SMG1: variants seen among roughly 807,000 people sequenced by gnomAD.
The protein encoded by SMG1 is serine/threonine-protein kinase SMG1.
In SMG1, 22 loss-of-function variants were observed where a neutral mutation model predicts 419.9. The ratio of observed to expected loss-of-function variants is 0.05; its 90% CI spans 0.04 to 0.07. The LOEUF (loss-of-function observed/expected upper bound fraction) is 0.07, where lower values mean the gene tolerates loss of function less well. Among genes scored for constraint, SMG1 ranks in the 10% least tolerant of loss-of-function variants. The pLI is 1.00. For missense variants in SMG1, 3,185 were observed against 4,342.0 expected (o/e 0.73, Z 7.49); for synonymous variants, 1,538 against 1,553.5 (o/e 0.99, Z 0.23).
Position 18,886,476 on chromosome 16 carries a change from G to A in SMG1, c.823-810C>T, listed in dbSNP as rs181571562. ...AAAAGGAAAAGCTCTGCTTTACATA[G>A]CAATCTTATAAAAGAAATGCTAGAA... On this transcript the variant is annotated intron_variant, in intron 6 of 62. Coordinates refer to ENST00000446231, the MANE Select transcript of SMG1 (RefSeq NM_015092.5). Among the ~76,000 whole-genome samples the A allele has an allele frequency of 3.9e-3, 590 of 151,974 alleles. 3 individuals are homozygous for A. Among genetic ancestry groups the A allele is most frequent in the Non-Finnish European group, 6.8e-3 (465 of 68,020 alleles).
chr16:18,838,594 AGTC>A lies in SMG1; in HGVS notation c.7038_7040del (p.Thr2347del), dbSNP rs2033725508. ...TGTAATCTATGTGAACAACTTCTCC[AGTC>A]GTCATATCTATAAGAACATTATCCA... On this transcript the variant is annotated inframe_deletion, in exon 43 of 63. Coordinates refer to ENST00000446231, the MANE Select transcript of SMG1 (RefSeq NM_015092.5). The A allele has an allele frequency of 6.2e-7, 1 of 1,613,628 alleles. No individual in the cohort carries two copies. Among genetic ancestry groups the A allele is most frequent in the Non-Finnish European group, 8.5e-7 (1 of 1,179,532 alleles).
chr16:18,919,400 G>A (rs936941097), intron 1 of SMG1, among the ~76,000 whole-genome samples: 11 of 150,580 alleles, frequency 7.3e-5, no homozygotes, highest in Admixed American at 5.3e-4. Flanking sequence ...TGAGGCGGGC[G>A]GATCATGACA....
Position 18,809,471 on chromosome 16 carries a change from T to C in SMG1, c.*98A>G. 1.1e-6 allele frequency: 1 copy of C among 882,536 alleles called. No individual in the cohort carries two copies. Among genetic ancestry groups the C allele is most frequent in the Middle Eastern group, 2.2e-4 (1 of 4,630 alleles). 54.7% of individuals were successfully genotyped at this position (882,536 alleles called of 1,614,324 possible). ...TCCTCAGAGTAAGCCCCCAGTTGCA[T>C]CACCACCGACTGTGGTGTGGCTTTG... On this transcript the variant is annotated 3_prime_UTR_variant, in exon 63 of 63. Transcript: ENST00000446231.
chr16:18,838,964 C>A (rs1408824610), intron 42 of SMG1, among the ~76,000 whole-genome samples: 1 of 151,698 alleles, frequency 6.6e-6, no homozygotes, highest in African/African-American at 2.4e-5. Flanking sequence ...CTAGTTTGTC[C>A]CTTTCTAAAT....
At chr16:18,919,327 TA>T (rs1318337541) in intron 1 of SMG1, among the ~76,000 whole-genome samples, 6 of 147,968 alleles carry the variant, frequency 4.1e-5, no homozygotes, top group Admixed American at 6.8e-5. Flanking sequence ...ACCCCATCTC[TA>T]AAAAAAAAAT....
Position 18,811,910 on chromosome 16 carries a change from A to G in SMG1, c.10801+38T>C, listed in dbSNP as rs777058785. 8.1e-6 allele frequency: 13 copies of G among 1,612,578 alleles called. No individual in the cohort carries two copies. In the Middle Eastern group the frequency reaches 8.3e-4, roughly 102 times the overall value. ...CATACGTAAGTCAAACCGTCATTTT[A>G]TATAAAAATTTAAGGCATCTTTATT... is the stretch of plus-strand genomic sequence containing the variant. On this transcript the variant is annotated intron_variant, in intron 61 of 62. Coordinates refer to ENST00000446231, the MANE Select transcript of SMG1 (RefSeq NM_015092.5).
intron 1 of SMG1, among the ~76,000 whole-genome samples, chr16:18,910,190 C>T (rs942499533): frequency 1.1e-4 from 16 of 151,788 alleles, no homozygotes; most frequent in African/African-American, 3.9e-4. Flanking sequence ...CCTCAGCCTC[C>T]CAAGTAGGTG....
chr16:18,925,938 C>A lies in SMG1; in HGVS notation c.92+12G>T, dbSNP rs1397891071. On this transcript the variant is annotated intron_variant, in intron 1 of 62. Coordinates refer to ENST00000446231, the MANE Select transcript of SMG1 (RefSeq NM_015092.5). ...CGGGAGGTCGGGGCGGGGTCCCGGGCCGGTCACCCACCTGGGTTGCCAGTC... is the reference window on the plus strand; with the variant it reads ...CGGGAGGTCGGGGCGGGGTCCCGGGACGGTCACCCACCTGGGTTGCCAGTC... 12 of 1,537,482 alleles carry A rather than the reference C, an allele frequency of 7.8e-6. No homozygotes were observed. Among genetic ancestry groups the A allele is most frequent in the Non-Finnish European group, 1.0e-5 (12 of 1,146,838 alleles).
In SMG1 at chr16:18,847,431, G is replaced by A. The variant is rs778186528; in HGVS notation, c.5996+22C>T. On this transcript the variant is annotated intron_variant, in intron 38 of 62. Coordinates refer to ENST00000446231, the MANE Select transcript of SMG1 (RefSeq NM_015092.5). ...ACAAAGTGGCAGCTTCACTGTCTCA[G>A]GACAAGTGTATGGAAACATACTTGC... is the stretch of plus-strand genomic sequence containing the variant. 1.9e-6 allele frequency: 3 copies of A among 1,612,164 alleles called. No individual in the cohort carries two copies. In the South Asian group the frequency reaches 3.3e-5, roughly 18 times the overall value.
intron 22 of SMG1, among the ~76,000 whole-genome samples, chr16:18,867,186 G>T (rs550525006): frequency 3.3e-5 from 5 of 152,202 alleles, no homozygotes; most frequent in East Asian, 3.9e-4. Context: ...GTTATTTATT[G>T]TGAGCCCACT....
intron 36 of SMG1, among the ~76,000 whole-genome samples, chr16:18,848,645 T>C (rs1412266852): frequency 1.3e-5 from 2 of 152,004 alleles, no homozygotes; most frequent in African/African-American, 4.8e-5. Context: ...AACAGCTCAG[T>C]GAGCCTGGCA....
At position 18,876,344 on chromosome 16, in the gene SMG1, T is replaced by C. The variant is rs779091918; in HGVS notation, c.1670A>G (p.Asn557Ser). The C allele has an allele frequency of 9.9e-6, 16 of 1,611,322 alleles. No individual in the cohort carries two copies. The highest frequency in any genetic ancestry group is 3.3e-5 in the Admixed American group (2 of 59,938). Residue 557 changes from asparagine to serine, a missense_variant, in exon 13 of 63, where the codon AAT becomes AGT. By Grantham distance (46) the Asn-to-Ser change is conservative (BLOSUM62 1). Around this residue, in one of 27 missense-constraint regions of SMG1, gnomAD observed 297 missense variants for 491.0 expected, o/e 0.60. Transcript: ENST00000446231. ...ATAGGCAGTCTCCAAAACAGGAATA[T>C]TCTTCAAGCTGAGCACTGCTTGATA... ...AVYQAVLSLK[N>S]IPVLETAYKL...
At chr16:18,846,074 A>G (rs987468871) in intron 38 of SMG1, among the ~76,000 whole-genome samples, 1 of 152,116 alleles carries the variant, frequency 6.6e-6, no homozygotes, top group Non-Finnish European at 1.5e-5. Flanking sequence ...TCAGCCTCCC[A>G]AAGTGCCAGA....
At chr16:18,811,031 T>A (rs1252814545) in intron 62 of SMG1, among the ~76,000 whole-genome samples, 1 of 152,138 alleles carries the variant, frequency 6.6e-6, no homozygotes, top group Non-Finnish European at 1.5e-5. Context: ...AATGAAAAAA[T>A]TTCAGAATAA....
At chr16:18,867,798 T>G (rs1444132761) in intron 22 of SMG1, among the ~76,000 whole-genome samples, 1 of 137,260 alleles carries the variant, frequency 7.3e-6, no homozygotes, top group Non-Finnish European at 1.5e-5. Flanking sequence ...AAGCTCCGCC[T>G]CCCGGGTTCA....
intron 3 of SMG1, among the ~76,000 whole-genome samples, chr16:18,895,564 A>T (rs2037086640): frequency 6.6e-6 from 1 of 152,014 alleles, no homozygotes; most frequent in Admixed American, 6.5e-5. Flanking sequence ...ATCAGCAAGA[A>T]TAGCTTAATG....
At chr16:18,914,439 T>C (rs2037897733) in intron 1 of SMG1, among the ~76,000 whole-genome samples, 1 of 151,674 alleles carries the variant, frequency 6.6e-6, no homozygotes, top group South Asian at 2.1e-4. Context: ...GACTTTGGGA[T>C]TTACAAAATG....
chr16:18,854,540 C>CA, intron 30 of SMG1, 116 bp downstream of exon 30: 1 of 980,862 alleles, frequency 1.0e-6, no homozygotes, highest in East Asian at 2.7e-5. Context: ...AAATGTTCTG[C>CA]AACAGCTGGA....
At chr16:18,852,576 A>C (rs1567369715) in intron 31 of SMG1, 114 bp from the exon 32 acceptor site, 2 of 883,696 alleles carry the variant, frequency 2.3e-6, no homozygotes, top group East Asian at 5.8e-5. Context: ...AAGCAATCAA[A>C]AGTTCCAAAA....
Sources: gnomAD v4.1 joint callset for allele counts (sites outside exome capture counted in the v4.1 genomes callset) on GRCh38, gnomAD v4.1.1 for gene constraint, gnomAD v4.1.1 regional missense constraint, MANE v1.5 for transcripts, NCBI Gene and HGNC (gene_info 2026-07-23, HGNC 2026-07-21) for gene names.